The following ZNF521 variants were observed in gnomAD, a reference collection of about 807,000 sequenced individuals.
The protein encoded by ZNF521 is zinc finger protein 521.
In ZNF521, 14 loss-of-function variants were observed where a neutral mutation model predicts 105.5. The observed-to-expected ratio is 0.13, with a 90% confidence interval of 0.09 to 0.21. The LOEUF (loss-of-function observed/expected upper bound fraction) is 0.21, where lower values mean the gene tolerates loss of function less well. ZNF521 is among the 10% of genes least tolerant of loss of function. The pLI, the probability that ZNF521 is intolerant of heterozygous loss-of-function variation, is 1.00. For synonymous variants in ZNF521, 635 were observed against 606.0 expected (o/e 1.05, Z -0.70); for missense variants, 1,233 against 1,629.7 (o/e 0.76, Z 4.19).
chr18:25,298,440 C>T (rs567471952), intron 3 of ZNF521, among the ~76,000 whole-genome samples: 1 of 152,210 alleles, frequency 6.6e-6, no homozygotes, highest in East Asian at 1.9e-4. Flanking sequence ...GCTGCTATTG[C>T]CAAAGCAAAT....
At chr18:25,289,392 C>T (rs138867025) in intron 3 of ZNF521, among the ~76,000 whole-genome samples, 56 of 152,336 alleles carry the variant, frequency 3.7e-4, no homozygotes, top group African/African-American at 1.3e-3. Context: ...CACCAGCCCT[C>T]AGTGATTATG....
At chr18:25,305,796 CAT>C (rs1911941906) in intron 3 of ZNF521, among the ~76,000 whole-genome samples, 1 of 152,186 alleles carries the variant, frequency 6.6e-6, no homozygotes, top group Admixed American at 6.5e-5. Flanking sequence ...GAATCTGACT[CAT>C]GTGAGTTACT....
In ZNF521 at chr18:25,224,580, G is replaced by C. The variant is rs1464070905; in HGVS notation, c.3338C>G (p.Thr1113Arg). ...ATTCTGGCCCAAGCCTGGTCTATTC[G>C]TGCCGGGAGGGACGTTAATGCCTGG... is the stretch of plus-strand genomic sequence containing the variant. Reference protein sequence around the residue: ...ASPGINVPPGTNRPGLGQNEN... With the variant: ...ASPGINVPPGRNRPGLGQNEN... The change falls in exon 4 of 8, where the codon ACG becomes AGG. Residue 1113 changes from threonine (T) to arginine (R), a missense_variant. Physicochemically the swap from Thr to Arg is moderately conservative, Grantham distance 71. Transcript: ENST00000361524. The C allele has an allele frequency of 6.2e-7, 1 of 1,614,008 alleles. No homozygotes were observed. Among genetic ancestry groups the C allele is most frequent in the African/African-American group, 1.3e-5 (1 of 75,008 alleles).
chr18:25,184,186 TTTTA>T (rs1272441745), intron 5 of ZNF521, among the ~76,000 whole-genome samples: 3 of 152,166 alleles, frequency 2.0e-5, no homozygotes, highest in Non-Finnish European at 4.4e-5. Context: ...AATTGCTTTT[TTTTA>T]AAAAAAGTGT....
intron 3 of ZNF521, among the ~76,000 whole-genome samples, chr18:25,312,898 T>G (rs963276768): frequency 2.6e-5 from 4 of 151,828 alleles, no homozygotes; most frequent in African/African-American, 9.7e-5. Flanking sequence ...ATGGAAGAAC[T>G]TGGTGGGAGC....
intron 5 of ZNF521, among the ~76,000 whole-genome samples, chr18:25,141,866 G>A (rs1427449071): frequency 1.3e-5 from 2 of 152,078 alleles, no homozygotes; most frequent in Admixed American, 1.3e-4. Context: ...ATCACCATAC[G>A]ACTGTCGGTG....
chr18:25,313,990 A>G (rs1333751694), intron 3 of ZNF521, among the ~76,000 whole-genome samples: 1 of 152,200 alleles, frequency 6.6e-6, no homozygotes, highest in East Asian at 1.9e-4. Context: ...TAGTGCCTTA[A>G]GCCTAATTAA....
chr18:25,183,385 A>G (rs1425950896), intron 5 of ZNF521, among the ~76,000 whole-genome samples: 1 of 152,190 alleles, frequency 6.6e-6, no homozygotes, highest in Non-Finnish European at 1.5e-5. Context: ...ATTAATGCTA[A>G]CAGCACTTTG....
intron 3 of ZNF521, among the ~76,000 whole-genome samples, chr18:25,311,026 GAAT>G (rs1912277165): frequency 6.6e-6 from 1 of 152,148 alleles, no homozygotes; most frequent in African/African-American, 2.4e-5. Context: ...AGAGTTTGTG[GAAT>G]AATCACCTCT....
rs186969161 is a variant in ZNF521, at chr18:25,207,413, G to C, written c.3574-12169C>G. ...GGGCTCCTCGGGGCACAGGACTCCA[G>C]GACCGACTCTCCAGCACCGCCTCTC... is the stretch of plus-strand genomic sequence containing the variant. On this transcript the variant is annotated intron_variant, in intron 4 of 7. Coordinates refer to ENST00000361524, the MANE Select transcript of ZNF521 (RefSeq NM_015461.3). Among the ~76,000 whole-genome samples, 15 of 152,260 alleles carry C rather than the reference G, an allele frequency of 9.9e-5. No homozygotes were observed. The East Asian group carries it at 2.9e-3, about 29-fold the overall frequency.
rs541617714 is a variant in ZNF521, at chr18:25,335,705, G to C, written c.41-13518C>G. On this transcript the variant is annotated intron_variant, in intron 2 of 7. Transcript: ENST00000361524. ...AAGAAAAAAGTATAAATGGCTATTT[G>C]AAAGTCATCTGATTGGATATATTAA... 2.0e-5 allele frequency among the ~76,000 whole-genome samples: 3 copies of C among 152,288 alleles called. No individual in the cohort carries two copies. In the East Asian group the frequency reaches 5.8e-4, roughly 29 times the overall value.
chr18:25,168,865 C>G (rs1567992070), intron 5 of ZNF521, among the ~76,000 whole-genome samples: 1 of 152,104 alleles, frequency 6.6e-6, no homozygotes, highest in African/African-American at 2.4e-5. Context: ...CTCCCAGCTG[C>G]AGTAGTTTAC....
chr18:25,234,665 TATTACTA>T (rs1906760931), intron 3 of ZNF521, among the ~76,000 whole-genome samples: 1 of 152,158 alleles, frequency 6.6e-6, no homozygotes, highest in Non-Finnish European at 1.5e-5. Flanking sequence ...TGTATTACAT[TATTACTA>T]CTGCTATGAA....
At chr18:25,161,496 AG>A (rs2144524189) in intron 5 of ZNF521, among the ~76,000 whole-genome samples, 2 of 152,316 alleles carry the variant, frequency 1.3e-5, no homozygotes, top group East Asian at 3.9e-4. Context: ...TTGTGAATGA[AG>A]GCTGTTTGTA....
chr18:25,222,956 A>T (rs1367584118), intron 4 of ZNF521, among the ~76,000 whole-genome samples: 10 of 152,210 alleles, frequency 6.6e-5, no homozygotes, highest in African/African-American at 2.4e-4. Context: ...AGAGAGAGAA[A>T]ACGCTACAAA....
At chr18:25,246,694 C>T (rs537427846) in intron 3 of ZNF521, among the ~76,000 whole-genome samples, 1 of 152,184 alleles carries the variant, frequency 6.6e-6, no homozygotes, top group Non-Finnish European at 1.5e-5. Context: ...GCTAACATTG[C>T]TAATATGTTA....
At chr18:25,232,533 AC>A (rs1381261041) in intron 3 of ZNF521, among the ~76,000 whole-genome samples, 5 of 152,218 alleles carry the variant, frequency 3.3e-5, no homozygotes, top group Non-Finnish European at 5.9e-5. Context: ...TTAAGCTTTC[AC>A]AGTTGTATAC....
At chr18:25,132,991 C>T (rs1466665918) in intron 5 of ZNF521, among the ~76,000 whole-genome samples, 3 of 152,108 alleles carry the variant, frequency 2.0e-5, no homozygotes, top group Non-Finnish European at 2.9e-5. Flanking sequence ...GCTGAGTTCC[C>T]GAAGCAAAAG....
At chr18:25,212,538 A>AAAAAAAAAAT (rs1555647923) in intron 4 of ZNF521, among the ~76,000 whole-genome samples, 2 of 48,144 alleles carry the variant, frequency 4.2e-5, no homozygotes, top group Non-Finnish European at 6.4e-5. Context: ...AAAAAAAAAA[A>AAAAAAAAAAT]ATATATATAT....
Sources: gnomAD v4.1 joint callset for allele counts (sites outside exome capture counted in the v4.1 genomes callset) on GRCh38, gnomAD v4.1.1 for gene constraint, MANE v1.5 for transcripts, NCBI Gene and HGNC (gene_info 2026-07-23, HGNC 2026-07-21) for gene names.